Variants in PDXDC1 observed in about 807,000 individuals in gnomAD.
PDXDC1 encodes pyridoxal-dependent decarboxylase domain-containing protein 1.
In PDXDC1, 42 loss-of-function variants were observed where a neutral mutation model predicts 100.1. The ratio of observed to expected loss-of-function variants is 0.42; its 90% CI spans 0.33 to 0.54. PDXDC1 has a LOEUF of 0.54. Ranked by LOEUF, PDXDC1 falls within the 20% of genes least tolerant of loss-of-function variation. The probability of loss-of-function intolerance (pLI) is 0.10; values close to 1 mark genes in which losing one functional copy is unlikely to be tolerated. For synonymous variants in PDXDC1, 260 were observed against 371.7 expected (o/e 0.70, Z 3.46); for missense variants, 636 against 979.2 (o/e 0.65, Z 4.68).
At chr16:15,084,715 G>A in intron 16 of PDXDC1, 2 of 1,607,978 alleles carry the variant, frequency 1.2e-6, no homozygotes, top group Non-Finnish European at 1.7e-6. Flanking sequence ...TCTGAAAGGA[G>A]AAAAGTTCAG....
Position 15,036,423 on chromosome 16 carries a change from A to G in PDXDC1, c.*148A>G. Reference sequence around the variant, plus strand: ...TGGCACAAATATGTGCCTGAAAGGTAGGCTTTCTAGGAGGGGAGTCAGCTT... The same window carrying G: ...TGGCACAAATATGTGCCTGAAAGGTGGGCTTTCTAGGAGGGGAGTCAGCTT... On this transcript the variant is annotated 3_prime_UTR_variant, in exon 23 of 23. Transcript: ENST00000396410. 1.4e-6 allele frequency: 1 copy of G among 736,788 alleles called. No homozygotes were observed. The highest frequency in any genetic ancestry group is 2.2e-6 in the Non-Finnish European group (1 of 452,672). 45.6% of individuals were successfully genotyped at this position (736,788 alleles called of 1,614,324 possible).
At chr16:15,033,977 T>C (rs894858910) in intron 19 of PDXDC1, 57 of 484,392 alleles carry the variant, frequency 1.2e-4, no homozygotes, top group African/African-American at 1.0e-3. Flanking sequence ...CCATTGGACA[T>C]GCGGCCGAGA....
intron 16 of PDXDC1, among the ~76,000 whole-genome samples, chr16:15,129,454 G>T (rs2047934936): frequency 1.3e-5 from 2 of 152,146 alleles, no homozygotes; most frequent in Admixed American, 6.5e-5. Context: ...AAAGAAAAAC[G>T]AAAACAAAAA....
chr16:15,094,745 G>T (rs2046293308), intron 16 of PDXDC1: 1 of 162,242 alleles, frequency 6.2e-6, no homozygotes, highest in African/African-American at 2.4e-5. Flanking sequence ...TCGACGAAGT[G>T]ACCTACCTCA....
chr16:15,085,742 G>C (rs1306597871), intron 16 of PDXDC1: 1 of 1,608,748 alleles, frequency 6.2e-7, no homozygotes, highest in Non-Finnish European at 8.5e-7. Context: ...CATTGATCTA[G>C]ACAATGAATG....
intron 16 of PDXDC1, among the ~76,000 whole-genome samples, chr16:15,084,000 G>A (rs549222319): frequency 6.6e-6 from 1 of 152,336 alleles, no homozygotes; most frequent in South Asian, 2.1e-4. Context: ...ACAGGCGTGA[G>A]CCACCGCGCC....
At chr16:14,992,225 A>T (rs1485835389) in intron 1 of PDXDC1, among the ~76,000 whole-genome samples, 1 of 152,302 alleles carries the variant, frequency 6.6e-6, no homozygotes, top group East Asian at 1.9e-4. Flanking sequence ...TTAGGAAAAA[A>T]GGCATCAGTA....
intron 3 of PDXDC1, among the ~76,000 whole-genome samples, chr16:15,000,584 A>G (rs1972930565): frequency 1.3e-5 from 2 of 152,406 alleles, no homozygotes; most frequent in African/African-American, 4.8e-5. Context: ...GCCCTGCGTT[A>G]TTCCTGTTGC....
At chr16:15,147,169 G>C in the PDXDC1 span, among the ~76,000 whole-genome samples, 1 of 144,188 alleles carries the variant, frequency 6.9e-6, no homozygotes, top group Non-Finnish European at 1.5e-5. Context: ...GGGAGGGAGA[G>C]GTGGGAGGGG....
chr16:15,143,343 G>T (rs1364844749), downstream of PDXDC1, among the ~76,000 whole-genome samples: 1 of 152,190 alleles, frequency 6.6e-6, no homozygotes, highest in Non-Finnish European at 1.5e-5. Flanking sequence ...GGCCAGGCCT[G>T]GAGGCTGCCC....
intron 16 of PDXDC1, among the ~76,000 whole-genome samples, chr16:15,129,656 T>G (rs1345141717): frequency 1.3e-5 from 2 of 152,212 alleles, no homozygotes; most frequent in Non-Finnish European, 2.9e-5. Flanking sequence ...GAATGTGGGC[T>G]GCCCACCCTG....
chr16:15,028,927 C>T lies in PDXDC1; in HGVS notation c.1254C>T (p.Val418=), dbSNP rs376865698. The T allele has an allele frequency of 3.3e-5, 53 of 1,613,648 alleles. No individual in the cohort carries two copies. In the Middle Eastern group the frequency reaches 4.9e-4, roughly 15 times the overall value. ...VPVPNMTPSG[V]GRERHSCDAL... is the part of the protein sequence containing the mutation. ...TGCCCAACATGACACCTTCAGGAGT[C>T]GGCCGGGAGAGGCACTCGTGTGACG... The change falls in exon 15 of 23, where the codon GTC becomes GTT. Residue 418 remains valine, a synonymous_variant. Coordinates refer to ENST00000396410, the MANE Select transcript of PDXDC1 (RefSeq NM_015027.4).
chr16:15,081,167 T>C (rs2151802615), intron 16 of PDXDC1, among the ~76,000 whole-genome samples: 1 of 152,372 alleles, frequency 6.6e-6, no homozygotes, highest in South Asian at 2.1e-4. Flanking sequence ...TGGATGATGC[T>C]GCTATGACCA....
At chr16:15,140,168 G>T (rs936479204), downstream of PDXDC1, among the ~76,000 whole-genome samples, 2 of 150,728 alleles carry the variant, frequency 1.3e-5, no homozygotes, top group Non-Finnish European at 3.0e-5. Flanking sequence ...GAAAGAGCCG[G>T]GTGCAATGGC....
rs374275851 is a variant in PDXDC1, at chr16:15,028,123, C to G, written c.1205-755C>G. 1.1e-4 allele frequency among the ~76,000 whole-genome samples: 17 copies of G among 152,410 alleles called. 1 individual carries two copies. Among genetic ancestry groups the G allele is most frequent in the African/African-American group, 4.1e-4 (17 of 41,604 alleles). On this transcript the variant is annotated intron_variant, in intron 14 of 22. Transcript: ENST00000396410. ...AGGCCTGCACACTCTGCCCCGAATT[C>G]GCTTCTGCCTTCCCCCCTTCCACTC...
At chr16:15,094,388 C>T in intron 16 of PDXDC1, 2 of 662,846 alleles carry the variant, frequency 3.0e-6, no homozygotes. Flanking sequence ...GCTAGAGCGC[C>T]GCTGAAACCC....
chr16:15,135,984 G>T, intron 16 of PDXDC1: 1 of 1,560,424 alleles, frequency 6.4e-7, no homozygotes, highest in Non-Finnish European at 8.7e-7. Context: ...TGGTGGGCCC[G>T]AGCCAGATGC....
chr16:15,089,804 A>AAAAAAAAC (rs2046056820), intron 16 of PDXDC1, among the ~76,000 whole-genome samples: 1 of 151,002 alleles, frequency 6.6e-6, no homozygotes, highest in Non-Finnish European at 1.5e-5. Flanking sequence ...AAAAAAAAAA[A>AAAAAAAAC]AAAAAAACAG....
At chr16:15,092,730 G>C in intron 16 of PDXDC1, 1 of 690,256 alleles carries the variant, frequency 1.4e-6, no homozygotes, top group Admixed American at 2.6e-5. Context: ...CTCTTTACTG[G>C]TCTCCCTGCT....
Sources: gnomAD v4.1 joint callset for allele counts (sites outside exome capture counted in the v4.1 genomes callset) on GRCh38, gnomAD v4.1.1 for gene constraint, MANE v1.5 for transcripts, NCBI Gene and HGNC (gene_info 2026-07-23, HGNC 2026-07-21) for gene names.